The following STRA6 variants were observed in gnomAD, a reference collection of about 807,000 sequenced individuals.
STRA6 encodes the protein receptor for retinol uptake STRA6.
In STRA6, 48 loss-of-function variants were observed where a neutral mutation model predicts 83.6. The observed-to-expected ratio is 0.57, with a 90% confidence interval of 0.46 to 0.73. The LOEUF (loss-of-function observed/expected upper bound fraction) is 0.73. Ranked by LOEUF, STRA6 falls within the 30% of genes least tolerant of loss-of-function variation. STRA6 has a pLI of 0.00. For synonymous variants in STRA6, 353 were observed against 362.3 expected, an observed-to-expected ratio of 0.97 and a Z score of 0.29; for missense variants, 760 against 838.8, an observed-to-expected ratio of 0.91 and a Z score of 1.16.
At chr15:74,194,893 C>T in intron 7 of STRA6, 1 of 1,388,774 alleles carries the variant, frequency 7.2e-7, no homozygotes, top group African/African-American at 1.4e-5. Flanking sequence ...CGGAATTCTC[C>T]TCTCAGCCCT....
chr15:74,203,997 C>T (rs919136749), upstream of STRA6, among the ~76,000 whole-genome samples: 2 of 152,180 alleles, frequency 1.3e-5, no homozygotes, highest in African/African-American at 4.8e-5. Context: ...TGGAGGCTCT[C>T]TTTCAAATTC....
rs373983228 is a variant in STRA6, at chr15:74,195,992, G to A, written c.406+16C>T. 200 of 1,613,610 alleles carry A rather than the reference G, an allele frequency of 1.2e-4. 1 individual carries two copies. The highest frequency in any genetic ancestry group is 1.6e-5 in the Non-Finnish European group (19 of 1,179,932). ...TCCCATCACACCAACCCCAGGGCCT[G>A]GGGGTCAGTGGGTACCTTGGCTGGG... On this transcript the variant is annotated intron_variant, in intron 5 of 18. Coordinates refer to ENST00000395105, the MANE Select transcript of STRA6 (RefSeq NM_022369.4).
chr15:74,184,491 C>T (rs867119290), intron 13 of STRA6, among the ~76,000 whole-genome samples: 5 of 152,198 alleles, frequency 3.3e-5, no homozygotes, highest in Non-Finnish European at 4.4e-5. Context: ...CACCACTCAC[C>T]GCTGCAGGGC....
chr15:74,191,783 A>T (rs2073553796), intron 8 of STRA6: 1 of 513,152 alleles, frequency 1.9e-6, no homozygotes, highest in Non-Finnish European at 3.5e-6. Flanking sequence ...ACTCAGTCAC[A>T]TCTCTTCACC....
upstream of STRA6, among the ~76,000 whole-genome samples, chr15:74,206,429 C>T (rs1158809095): frequency 6.6e-6 from 1 of 152,178 alleles, no homozygotes; most frequent in Non-Finnish European, 1.5e-5. Context: ...AAAGATGCTA[C>T]CTGGGAAGAC....
chr15:74,210,460 T>G (rs2074350881), upstream of STRA6, among the ~76,000 whole-genome samples: 1 of 152,254 alleles, frequency 6.6e-6, no homozygotes, highest in South Asian at 2.1e-4. Context: ...GATCTCATTT[T>G]ATGCTTCTTT....
At chr15:74,195,201 A>G in intron 7 of STRA6, 101 bp downstream of exon 7, 2 of 1,546,408 alleles carry the variant, frequency 1.3e-6, no homozygotes, top group Non-Finnish European at 1.7e-6. Context: ...GGAAGGCTGC[A>G]GGGCGGCCCA....
intron 8 of STRA6, 103 bp downstream of exon 8, chr15:74,193,696 TG>T: frequency 6.4e-7 from 1 of 1,559,512 alleles, no homozygotes; most frequent in Non-Finnish European, 8.8e-7. Context: ...TATTCTGTGC[TG>T]GGCCCTACAT....
At chr15:74,202,369 A>C (rs2142087192) in intron 1 of STRA6, 87 bp from the exon 2 acceptor site, 2 of 1,549,586 alleles carry the variant, frequency 1.3e-6, no homozygotes, top group South Asian at 2.4e-5. Context: ...AAGACGGAAA[A>C]CCCAAACAAA....
upstream of STRA6, among the ~76,000 whole-genome samples, chr15:74,210,952 A>G (rs1256053363): frequency 1.3e-5 from 2 of 152,184 alleles, no homozygotes; most frequent in African/African-American, 4.8e-5. Flanking sequence ...AGTTAAGTAG[A>G]ATAGAGCAGT....
At chr15:74,186,128 C>A (rs2073235509) in intron 12 of STRA6, among the ~76,000 whole-genome samples, 1 of 152,230 alleles carries the variant, frequency 6.6e-6, no homozygotes, top group African/African-American at 2.4e-5. Flanking sequence ...CCAGTTAAAT[C>A]AGAATTTCTG....
At chr15:74,201,282 T>C (rs2074048438) in intron 2 of STRA6, among the ~76,000 whole-genome samples, 1 of 152,166 alleles carries the variant, frequency 6.6e-6, no homozygotes, top group Non-Finnish European at 1.5e-5. Flanking sequence ...GGAGAACAGA[T>C]GTGCACACAT....
chr15:74,181,555 C>A, intron 16 of STRA6, 97 bp from the exon 17 acceptor site: 1 of 1,491,326 alleles, frequency 6.7e-7, no homozygotes, highest in Non-Finnish European at 9.2e-7. Context: ...TGTGTATTTA[C>A]TGAGTGCCTA....
At chr15:74,193,042 G>T (rs1016579418) in intron 8 of STRA6, among the ~76,000 whole-genome samples, 1 of 152,192 alleles carries the variant, frequency 6.6e-6, no homozygotes, top group African/African-American at 2.4e-5. Flanking sequence ...TGAGATTGAA[G>T]TATCTTCTAA....
upstream of STRA6, among the ~76,000 whole-genome samples, chr15:74,205,044 A>G (rs991098972): frequency 2.0e-5 from 3 of 152,200 alleles, no homozygotes; most frequent in Admixed American, 2.0e-4. Flanking sequence ...CAAGGCCTGC[A>G]CCAAATGGAA....
chr15:74,207,803 C>T (rs2074295484), intron 1 of STRA6: 6 of 1,535,608 alleles, frequency 3.9e-6, no homozygotes, highest in Non-Finnish European at 5.2e-6. Context: ...AGCACACTCA[C>T]ACACACATCC....
At chr15:74,180,741 T>C in intron 18 of STRA6, 41 bp downstream of exon 18, 1 of 1,572,456 alleles carries the variant, frequency 6.4e-7, no homozygotes, top group Non-Finnish European at 8.7e-7. Flanking sequence ...TAGAAGAAGC[T>C]GGGTAGGCTC....
rs769052602 is a variant in STRA6, at chr15:74,183,936, T to C, written c.1220A>G (p.His407Arg). The change falls in exon 14 of 19, where the codon CAT (histidine) becomes CGT (arginine). Residue 407 changes from histidine (H) to arginine (R), a missense_variant. By Grantham distance (29) the His-to-Arg change is conservative (BLOSUM62 0). Transcript: ENST00000395105. ...RGAALDLSPL[H>R]RSPHPSRQAI... ...TTGGCGGGAGGGATGGGGACTCCGA[T>C]GCAAGGGACTCAAGTCCAGGGCAGC... 11 of 1,613,770 alleles carry C rather than the reference T, an allele frequency of 6.8e-6. No individual in the cohort carries two copies. The highest frequency in any genetic ancestry group is 2.2e-5 in the East Asian group (1 of 44,886).
chr15:74,202,296 C>T lies in STRA6; in HGVS notation c.-15-14G>A, dbSNP rs757189393. 6.4e-6 allele frequency: 10 copies of T among 1,551,676 alleles called. No homozygotes were observed. Among genetic ancestry groups the T allele is most frequent in the Admixed American group, 2.1e-5 (1 of 47,346 alleles). On this transcript the variant is annotated splice_polypyrimidine_tract_variant and intron_variant, in intron 1 of 18. Coordinates refer to ENST00000395105, the MANE Select transcript of STRA6 (RefSeq NM_022369.4). ...CTGGCCCTTCTCCTTTGACCCCAGGCGAGAGAAAAAAAAAGCCACTACAGA... is the reference window on the plus strand; with the variant it reads ...CTGGCCCTTCTCCTTTGACCCCAGGTGAGAGAAAAAAAAAGCCACTACAGA...
Sources: gnomAD v4.1 joint callset for allele counts (sites outside exome capture counted in the v4.1 genomes callset) on GRCh38, gnomAD v4.1.1 for gene constraint, MANE v1.5 for transcripts, NCBI Gene and HGNC (gene_info 2026-07-23, HGNC 2026-07-21) for gene names.